MSN: variants seen among roughly 807,000 people sequenced by gnomAD.
The protein encoded by MSN is moesin, also known as epididymis luminal protein 70.
MSN carries 2 observed loss-of-function variants against 48.0 expected under a neutral mutation model. That is an observed-to-expected ratio of 0.04 (90% CI 0.02 to 0.13). The LOEUF is 0.13. Among genes scored for constraint, MSN ranks in the 10% least tolerant of loss-of-function variants. The pLI, the probability that MSN is intolerant of heterozygous loss-of-function variation, is 1.00. For synonymous variants in MSN, 146 were observed against 166.9 expected (o/e 0.87, Z 0.97); for missense variants, 267 against 470.1 (o/e 0.57, Z 3.99).
rs755994004 is a variant in MSN at position 65,603,305 on chromosome X, A to G, written c.-22+14693A>G. Among the ~76,000 whole-genome samples, 4 of 111,959 alleles carry G rather than the reference A, an allele frequency of 3.6e-5. No homozygotes were observed. The South Asian group carries it at 1.1e-3, about 31-fold the overall frequency. ...AGAGCAAAACTCCATCTCAAAAAAC[A>G]AAAGAAAGAAAATGAATTCCAGAAC... On this transcript the variant is annotated intron_variant, in intron 1 of 3. Coordinates refer to the MSN transcript ENST00000609672.
chrX:65,647,425 C>T (rs903198351), intron 1 of MSN, among the ~76,000 whole-genome samples: 1 of 111,670 alleles, frequency 9.0e-6, no homozygotes, highest in African/African-American at 3.3e-5. Context: ...GTTGGCCAGG[C>T]TGGTCTCGAA....
intron 2 of MSN, among the ~76,000 whole-genome samples, chrX:65,725,813 A>G (rs1422600491): frequency 1.8e-5 from 2 of 111,804 alleles, no homozygotes; most frequent in African/African-American, 6.5e-5. Context: ...AATTATCCAC[A>G]TCAGCAAGAG....
chrX:65,666,215 G>A (rs761349990), upstream of MSN, among the ~76,000 whole-genome samples: 3 of 108,366 alleles, frequency 2.8e-5, no homozygotes, highest in South Asian at 8.1e-4. Context: ...ATGAGGTTTC[G>A]CCATGTTGAG....
chrX:65,613,218 T>C (rs1487029174), intron 1 of MSN, among the ~76,000 whole-genome samples: 1 of 114,062 alleles, frequency 8.8e-6, no homozygotes, highest in East Asian at 2.7e-4. Context: ...TTCTTTTTTA[T>C]GGATGCATAG....
intron 1 of MSN, among the ~76,000 whole-genome samples, chrX:65,645,398 C>T (rs2070687628): frequency 9.1e-6 from 1 of 110,182 alleles, no homozygotes; most frequent in African/African-American, 3.3e-5. Flanking sequence ...ATTTTCCTTT[C>T]TTTCTGCTCC....
intron 1 of MSN, among the ~76,000 whole-genome samples, chrX:65,627,077 G>A (rs1444100854): frequency 1.8e-5 from 2 of 110,645 alleles, no homozygotes; most frequent in East Asian, 5.7e-4. Context: ...CTTGGTTGTT[G>A]TAAACATTTT....
At chrX:65,656,530 G>C (rs1208467716) in intron 1 of MSN, among the ~76,000 whole-genome samples, 1 of 111,495 alleles carries the variant, frequency 9.0e-6, no homozygotes, top group Non-Finnish European at 1.9e-5. Context: ...CCAAGGTTAT[G>C]CCTAGAAGTG....
At chrX:65,701,693 A>G (rs1212653972) in intron 1 of MSN, among the ~76,000 whole-genome samples, 2 of 112,274 alleles carry the variant, frequency 1.8e-5, no homozygotes, top group Non-Finnish European at 3.8e-5. Context: ...CACTCCTGCC[A>G]TGGTGGCATC....
At position 65,605,586 on chromosome X, in the gene MSN, C is replaced by T. The variant is rs1402996720; in HGVS notation, c.-22+16974C>T. 3.6e-5 allele frequency among the ~76,000 whole-genome samples: 4 copies of T among 112,012 alleles called. No individual in the cohort carries two copies. The Admixed American group carries it at 3.8e-4, about 11-fold the overall frequency. On this transcript the variant is annotated intron_variant, in intron 1 of 3. Transcript: ENST00000609672. ...TGCATGAAACTCTCCAGTGTCTTTCCATCACATGAGGACCACAAGCCAAAT... is the reference window on the plus strand; with the variant it reads ...TGCATGAAACTCTCCAGTGTCTTTCTATCACATGAGGACCACAAGCCAAAT...
intron 1 of MSN, among the ~76,000 whole-genome samples, chrX:65,677,074 T>G (rs2071006771): frequency 8.9e-6 from 1 of 111,800 alleles, no homozygotes; most frequent in South Asian, 3.7e-4. Context: ...GTGATCTGCC[T>G]GCTTCAGCCT....
chrX:65,601,368 C>A (rs1467067125), intron 1 of MSN, among the ~76,000 whole-genome samples: 1 of 112,007 alleles, frequency 8.9e-6, no homozygotes, highest in African/African-American at 3.2e-5. Flanking sequence ...GGGGAGGAAG[C>A]AGTTGGGGCC....
At chrX:65,712,164 AG>A (rs2071421016) in intron 1 of MSN, among the ~76,000 whole-genome samples, 1 of 111,288 alleles carries the variant, frequency 9.0e-6, no homozygotes, top group Admixed American at 9.6e-5. Context: ...CAGGAAGCCT[AG>A]GGTAGGACCA....
chrX:65,729,370 C>A, intron 3 of MSN, 68 bp from the exon 4 acceptor site: 1 of 1,111,194 alleles, frequency 9.0e-7, no homozygotes, highest in South Asian at 2.1e-5. Context: ...GTTTTCTCCC[C>A]ACCCTACAGC....
chrX:65,650,735 G>T (rs2070736347), intron 1 of MSN, among the ~76,000 whole-genome samples: 1 of 112,430 alleles, frequency 8.9e-6, no homozygotes, highest in African/African-American at 3.2e-5. Flanking sequence ...AACAAATTAT[G>T]AGTGGTTTAA....
intron 1 of MSN, among the ~76,000 whole-genome samples, chrX:65,672,596 G>A (rs1480012107): frequency 8.9e-6 from 1 of 111,808 alleles, no homozygotes; most frequent in East Asian, 2.8e-4. Context: ...TGGAAGGTGG[G>A]TGCTGGGAAA....
chrX:65,667,386 T>G (rs1158282615), upstream of MSN, among the ~76,000 whole-genome samples: 1 of 82,785 alleles, frequency 1.2e-5, no homozygotes, highest in Admixed American at 1.4e-4. Flanking sequence ...TGAGTGGGGG[T>G]GGGGCTGGAA....
intron 1 of MSN, among the ~76,000 whole-genome samples, chrX:65,609,414 G>A (rs1418847700): frequency 1.8e-5 from 2 of 111,264 alleles, no homozygotes; most frequent in South Asian, 7.5e-4. Flanking sequence ...GCAGAGGAAA[G>A]GGAGGGGCAG....
intron 1 of MSN, among the ~76,000 whole-genome samples, chrX:65,686,418 C>T (rs1266136443): frequency 8.9e-6 from 1 of 112,870 alleles, no homozygotes; most frequent in African/African-American, 3.2e-5. Flanking sequence ...GGCCCACAGG[C>T]CACTGCAGGC....
chrX:65,596,406 A>C (rs973901986), intron 1 of MSN, among the ~76,000 whole-genome samples: 16 of 108,949 alleles, frequency 1.5e-4, no homozygotes, highest in African/African-American at 5.0e-4. Context: ...CCTCCAAAAA[A>C]CTCTTAAGAA....
Sources: allele counts gnomAD v4.1 joint callset (sites outside exome capture counted in the v4.1 genomes callset), GRCh38; gene constraint gnomAD v4.1.1; transcripts MANE v1.5; gene names NCBI Gene and HGNC (gene_info 2026-07-23, HGNC 2026-07-21).